RBFOX2: variants seen among roughly 807,000 people sequenced by gnomAD.
The protein encoded by RBFOX2 is RNA binding protein fox-1 homolog 2.
In RBFOX2, 10 loss-of-function variants were observed where a neutral mutation model predicts 49.1. The observed-to-expected ratio is 0.20, with a 90% CI of 0.13 to 0.35. RBFOX2 has a LOEUF of 0.35. Ranked by LOEUF, RBFOX2 falls within the 10% of genes least tolerant of loss-of-function variation. The pLI is 1.00. For synonymous variants in RBFOX2, 183 were observed against 187.4 expected (o/e 0.98, Z 0.19); for missense variants, 323 against 486.9 (o/e 0.66, Z 3.17).
chr22:36,000,959 T>A (rs1292715003), intron 1 of RBFOX2, among the ~76,000 whole-genome samples: 1 of 152,140 alleles, frequency 6.6e-6, no homozygotes, highest in Non-Finnish European at 1.5e-5. Flanking sequence ...TTTAGGAAAC[T>A]GAGGTTCTGA....
intron 1 of RBFOX2, among the ~76,000 whole-genome samples, chr22:35,945,526 G>A (rs993639340): frequency 2.6e-5 from 4 of 151,972 alleles, no homozygotes; most frequent in Non-Finnish European, 4.4e-5. Flanking sequence ...TTGCAGCCTC[G>A]ACCTCGCAGA....
chr22:35,896,915 A>G (rs942361450), intron 1 of RBFOX2, among the ~76,000 whole-genome samples: 1 of 152,232 alleles, frequency 6.6e-6, no homozygotes, highest in Non-Finnish European at 1.5e-5. Flanking sequence ...GACTTTCCAT[A>G]AAGTGTTACT....
chr22:35,744,301 T>G, intron 11 of RBFOX2, 52 bp from the exon 14 acceptor site: 1 of 1,504,800 alleles, frequency 6.6e-7, no homozygotes, highest in Non-Finnish European at 9.1e-7. Flanking sequence ...AGAGAAGCAT[T>G]AACAGTGAAG....
intron 1 of RBFOX2, among the ~76,000 whole-genome samples, chr22:35,912,987 G>A (rs2049994497): frequency 6.6e-6 from 1 of 152,136 alleles, no homozygotes; most frequent in African/African-American, 2.4e-5. Context: ...CTAGGCCAGT[G>A]CCTTTCTTAA....
chr22:35,977,722 C>CTATATATATATATATATATATATATA (rs375088964), intron 1 of RBFOX2, among the ~76,000 whole-genome samples: 1 of 80,842 alleles, frequency 1.2e-5, no homozygotes, highest in African/African-American at 4.8e-5. Context: ...CCTGAATGAA[C>CTATATATATATATATATATATATATA]TATATATATA....
chr22:36,001,999 G>A (rs2058446244), intron 1 of RBFOX2, among the ~76,000 whole-genome samples: 1 of 152,132 alleles, frequency 6.6e-6, no homozygotes, highest in South Asian at 2.1e-4. Flanking sequence ...GGGAGGCGGA[G>A]GCTGCAGTGA....
At chr22:35,819,021 A>G (rs1953838968) in intron 1 of RBFOX2, among the ~76,000 whole-genome samples, 1 of 152,296 alleles carries the variant, frequency 6.6e-6, no homozygotes, top group Non-Finnish European at 1.5e-5. Context: ...GTCTACAACC[A>G]TGGTTACATG....
chr22:35,904,381 T>C (rs145608973), intron 1 of RBFOX2, among the ~76,000 whole-genome samples: 70 of 152,330 alleles, frequency 4.6e-4, no homozygotes, highest in African/African-American at 1.7e-3. Context: ...ACTGAAATCT[T>C]CTACTATGAA....
At chr22:35,976,291 C>T (rs1479107599) in intron 1 of RBFOX2, among the ~76,000 whole-genome samples, 1 of 152,046 alleles carries the variant, frequency 6.6e-6, no homozygotes, top group Non-Finnish European at 1.5e-5. Context: ...CCTGAATTTG[C>T]TATACCAAAT....
chr22:35,872,629 C>T (rs1419546800), intron 1 of RBFOX2, among the ~76,000 whole-genome samples: 4 of 152,200 alleles, frequency 2.6e-5, no homozygotes, highest in Non-Finnish European at 4.4e-5. Context: ...AGCCAAACTC[C>T]GCCTTGTCCC....
chr22:35,985,301 T>C (rs2057655131), intron 1 of RBFOX2, among the ~76,000 whole-genome samples: 1 of 152,198 alleles, frequency 6.6e-6, no homozygotes, highest in South Asian at 2.1e-4. Flanking sequence ...TTGTTCCAAC[T>C]ACCTACTAGG....
chr22:35,824,697 C>T (rs187968649), intron 1 of RBFOX2, among the ~76,000 whole-genome samples: 1 of 152,256 alleles, frequency 6.6e-6, no homozygotes, highest in Non-Finnish European at 1.5e-5. Context: ...AACAAAAGAA[C>T]CAAAAACAAG....
chr22:35,980,111 T>C (rs2057384586), intron 1 of RBFOX2, among the ~76,000 whole-genome samples: 1 of 152,186 alleles, frequency 6.6e-6, no homozygotes, highest in Admixed American at 6.5e-5. Flanking sequence ...AAATTCATTA[T>C]GACCTATTAA....
chr22:35,765,364 T>C, intron 6 of RBFOX2, 59 bp downstream of exon 7: 1 of 1,261,572 alleles, frequency 7.9e-7, no homozygotes, highest in Non-Finnish European at 1.1e-6. Context: ...TAGAAGTTTA[T>C]AAAAACTTCA....
upstream of RBFOX2, among the ~76,000 whole-genome samples, chr22:35,966,200 G>A (rs1212609893): frequency 6.6e-6 from 1 of 152,174 alleles, no homozygotes; most frequent in Non-Finnish European, 1.5e-5. Context: ...TCTGTTGAGT[G>A]TATTCCATCT....
At chr22:35,751,788 GA>G (rs1009472001) in intron 9 of RBFOX2, among the ~76,000 whole-genome samples, 5 of 152,128 alleles carry the variant, frequency 3.3e-5, no homozygotes, top group Non-Finnish European at 7.4e-5. Flanking sequence ...GGGGTTAAGG[GA>G]AAAAATTGCT....
chr22:35,806,163 G>A (rs960911216), intron 2 of RBFOX2, among the ~76,000 whole-genome samples: 2 of 152,118 alleles, frequency 1.3e-5, no homozygotes, highest in Admixed American at 6.5e-5. Flanking sequence ...TTCATCAATG[G>A]TAACAGGTGT....
At position 35,840,396 on chromosome 22, in the gene RBFOX2, C is replaced by G; in HGVS notation, c.-178G>C. The G allele has an allele frequency of 2.0e-6, 3 of 1,507,924 alleles. No individual in the cohort carries two copies. In the South Asian group the frequency reaches 4.1e-5, roughly 21 times the overall value. 93.4% of individuals were successfully genotyped at this position (1,507,924 alleles called of 1,614,324 possible). A position where few individuals can be genotyped will look rare whatever the true frequency, so the allele number is the denominator to read the frequency against. On this transcript the variant is annotated 5_prime_UTR_variant, in exon 1 of 12. Transcript: ENST00000405409. ...AATGTTTCTTCCTTTCTTTTCTCTTCCTCTCTGGCAGTCTCTCCCCCTCCT... is the reference window on the plus strand; with the variant it reads ...AATGTTTCTTCCTTTCTTTTCTCTTGCTCTCTGGCAGTCTCTCCCCCTCCT...
chr22:35,863,136 C>G (rs879716954), intron 1 of RBFOX2, among the ~76,000 whole-genome samples: 1 of 151,844 alleles, frequency 6.6e-6, no homozygotes, highest in Non-Finnish European at 1.5e-5. Context: ...AGGGCATTTA[C>G]GTTATTTTTG....
Sources: allele counts gnomAD v4.1 joint callset (sites outside exome capture counted in the v4.1 genomes callset), GRCh38; gene constraint gnomAD v4.1.1; transcripts MANE v1.5; gene names NCBI Gene and HGNC (gene_info 2026-07-23, HGNC 2026-07-21).